Variants in C10orf90 observed in about 807,000 individuals in gnomAD.
The protein encoded by C10orf90 is chromosome 10 open reading frame 90.
In C10orf90, 56 loss-of-function variants were observed where a neutral mutation model predicts 62.5. The observed-to-expected ratio is 0.90, with a 90% CI of 0.72 to 1.12. C10orf90 has a LOEUF of 1.12. C10orf90 is among the 50% of genes most tolerant of loss of function. C10orf90 has a pLI of 0.00. For synonymous variants in C10orf90, 386 were observed against 340.4 expected (o/e 1.13, Z -1.47); for missense variants, 970 against 880.4 (o/e 1.10, Z -1.29).
rs79219989 is a variant in C10orf90 at position 126,479,077 on chromosome 10, G to C, written c.1535-14091C>G. ...AATGGGGCTGAGAAGCATATAGTGA[G>C]ATTTGTGCTGAACTCCCGCTGTACC... On this transcript the variant is annotated intron_variant, in intron 4 of 9. Transcript: ENST00000488181. 7.6e-3 allele frequency among the ~76,000 whole-genome samples: 1,150 copies of C among 152,256 alleles called. 16 individuals are homozygous for C. Among genetic ancestry groups the C allele is most frequent in the African/African-American group, 0.027 (1,112 of 41,546 alleles).
chr10:126,625,879 C>T (rs866129838), intron 2 of C10orf90, among the ~76,000 whole-genome samples: 7 of 152,080 alleles, frequency 4.6e-5, no homozygotes, highest in Non-Finnish European at 8.8e-5. Context: ...CTTTGGGAAG[C>T]CGAGGTGGCA....
At chr10:126,482,762 A>G (rs2133808224) in intron 4 of C10orf90, among the ~76,000 whole-genome samples, 1 of 152,304 alleles carries the variant, frequency 6.6e-6, no homozygotes, top group African/African-American at 2.4e-5. Flanking sequence ...TGCAGACCAG[A>G]CACCAAGCTC....
chr10:126,569,446 G>A (rs562913621), intron 2 of C10orf90, among the ~76,000 whole-genome samples: 1 of 152,300 alleles, frequency 6.6e-6, no homozygotes, highest in African/African-American at 2.4e-5. Flanking sequence ...TAAGCAGAGA[G>A]AGACCAAGAG....
chr10:126,599,246 G>A (rs571096271), intron 2 of C10orf90, among the ~76,000 whole-genome samples: 42 of 150,612 alleles, frequency 2.8e-4, no homozygotes, highest in South Asian at 8.5e-4. Flanking sequence ...GTGCAGTGGC[G>A]GGGATCTCAG....
chr10:126,604,695 G>A (rs1248189073), intron 2 of C10orf90, among the ~76,000 whole-genome samples: 1 of 152,210 alleles, frequency 6.6e-6, no homozygotes, highest in African/African-American at 2.4e-5. Context: ...GAAAGGCTGA[G>A]ATTCTGATAA....
At chr10:126,527,686 C>T (rs949080038) in intron 2 of C10orf90, among the ~76,000 whole-genome samples, 2 of 152,218 alleles carry the variant, frequency 1.3e-5, no homozygotes, top group African/African-American at 4.8e-5. Context: ...GCTTCCCCAT[C>T]TGCGAAACAG....
intron 2 of C10orf90, among the ~76,000 whole-genome samples, chr10:126,531,463 G>GA: frequency 1.3e-5 from 2 of 152,246 alleles, no homozygotes; most frequent in Admixed American, 1.3e-4. Flanking sequence ...CCCTGACATA[G>GA]ACACAAAAAG....
At chr10:126,643,508 T>C (rs974898640) in intron 2 of C10orf90, among the ~76,000 whole-genome samples, 3 of 152,278 alleles carry the variant, frequency 2.0e-5, no homozygotes, top group South Asian at 2.1e-4. Flanking sequence ...ACCCCCAGGA[T>C]TGGGCCTCTG....
At chr10:126,565,126 A>AATATTTATATTACATATTATG (rs1564874033) in intron 2 of C10orf90, among the ~76,000 whole-genome samples, 13 of 28,342 alleles carry the variant, frequency 4.6e-4, no homozygotes, top group Non-Finnish European at 9.1e-4. Context: ...TATATAATAT[A>AATATTTATATTACATATTATG]TAATATAAAT....
chr10:126,607,354 G>A lies in C10orf90; in HGVS notation c.313+39211C>T, dbSNP rs867430153. On this transcript the variant is annotated intron_variant, in intron 2 of 9. Transcript: ENST00000488181. ...TGTACAATTGTTACTCATTGTAGTT[G>A]CAAATCTAACTAGCCACTGTTTTCA... 1.3e-5 allele frequency among the ~76,000 whole-genome samples: 2 copies of A among 152,160 alleles called. 1 individual carries two copies. The highest frequency in any genetic ancestry group is 2.9e-5 in the Non-Finnish European group (2 of 68,024).
intron 2 of C10orf90, among the ~76,000 whole-genome samples, chr10:126,541,999 A>C (rs1864386602): frequency 6.6e-6 from 1 of 152,262 alleles, no homozygotes; most frequent in African/African-American, 2.4e-5. Flanking sequence ...AAAAGGAATG[A>C]AGCCGTGACA....
In C10orf90 at chr10:126,521,248, T is replaced by G. The variant is rs995493611; in HGVS notation, c.314-7309A>C. On this transcript the variant is annotated intron_variant, in intron 2 of 9. Coordinates refer to ENST00000488181, the MANE Select transcript of C10orf90 (RefSeq NM_001350921.2). ...CTCAGCGTGGACAGAATGAACAGAT[T>G]ACTTTATATTTTAATAAGGGTTATA... 7 of 1,587,462 alleles carry G rather than the reference T, an allele frequency of 4.4e-6. No individual in the cohort carries two copies. The Admixed American group carries it at 5.0e-5, about 11-fold the overall frequency.
At chr10:126,558,005 G>A (rs1337940131) in intron 2 of C10orf90, among the ~76,000 whole-genome samples, 1 of 152,090 alleles carries the variant, frequency 6.6e-6, no homozygotes, top group Non-Finnish European at 1.5e-5. Flanking sequence ...CAGTCCTGCT[G>A]GCAGCCCTCC....
intron 4 of C10orf90, among the ~76,000 whole-genome samples, chr10:126,485,788 AT>A (rs987725694): frequency 6.6e-5 from 10 of 151,300 alleles, no homozygotes; most frequent in Admixed American, 1.3e-4. Context: ...AAAAAAAAAA[AT>A]ACAAAAAATT....
intron 2 of C10orf90, among the ~76,000 whole-genome samples, chr10:126,599,518 T>C (rs1000007496): frequency 4.0e-5 from 6 of 151,698 alleles, no homozygotes; most frequent in Non-Finnish European, 5.9e-5. Flanking sequence ...AGCCATTCAA[T>C]TGATGGAAAG....
chr10:126,534,068 G>T (rs1005741002), intron 2 of C10orf90, among the ~76,000 whole-genome samples: 1 of 152,128 alleles, frequency 6.6e-6, no homozygotes, highest in Non-Finnish European at 1.5e-5. Context: ...TGAGAAGGAG[G>T]AATCTGCTCT....
At chr10:126,445,889 G>A (rs1423251161) in intron 7 of C10orf90, among the ~76,000 whole-genome samples, 1 of 150,958 alleles carries the variant, frequency 6.6e-6, no homozygotes, top group Non-Finnish European at 1.5e-5. Flanking sequence ...TGACCTGGAT[G>A]AAATTGGAGA....
chr10:126,547,818 T>A (rs900008014), intron 2 of C10orf90, among the ~76,000 whole-genome samples: 1 of 151,896 alleles, frequency 6.6e-6, no homozygotes, highest in Admixed American at 6.6e-5. Context: ...ACAATTGAAA[T>A]TGCCCAAACT....
rs79643363 is a variant in C10orf90 at position 126,503,880 on chromosome 10, A to G, written c.1534+77T>C. 2,196 of 1,507,652 alleles carry G rather than the reference A, an allele frequency of 1.5e-3. 15 individuals are homozygous for G. The African/African-American group carries it at 0.024, about 17-fold the overall frequency. The allele number at this position is 1,507,652 out of a possible 1,614,324, so 93.4% of individuals were successfully genotyped here. On this transcript the variant is annotated intron_variant, in intron 4 of 9. Transcript: ENST00000488181. ...AAATGCCTCTTAGAATAAGTTTTGT[A>G]TAAGAAATTCACTCAACAGTCACCT...
Sources: gnomAD v4.1 joint callset for allele counts (sites outside exome capture counted in the v4.1 genomes callset) on GRCh38, gnomAD v4.1.1 for gene constraint, MANE v1.5 for transcripts, NCBI Gene and HGNC (gene_info 2026-07-23, HGNC 2026-07-21) for gene names.